Variants in MAPK4 observed in about 807,000 individuals in gnomAD.
The protein encoded by MAPK4 is Erk3-related.
A neutral mutation model predicts 47.7 loss-of-function variants in MAPK4; 22 were observed. The ratio of observed to expected loss-of-function variants is 0.46; its 90% CI spans 0.33 to 0.66. The LOEUF is 0.66. Among genes scored for constraint, MAPK4 ranks in the 30% least tolerant of loss-of-function variants. MAPK4 has a pLI of 0.02. For missense variants in MAPK4, 736 were observed against 831.7 expected (o/e 0.88, Z 1.42); for synonymous variants, 390 against 365.7 (o/e 1.07, Z -0.76).
rs1477127663 is a variant in MAPK4 at position 50,678,360 on chromosome 18, A to G, written c.546+13856A>G. Among the ~76,000 whole-genome samples the G allele has an allele frequency of 6.6e-6, 1 of 152,200 alleles. No individual in the cohort carries two copies. The highest frequency in any genetic ancestry group is 2.4e-5 in the African/African-American group (1 of 41,452). ...AATTTGGCCAAAGCCTGCCTCTAGT[A>G]CTGTGGTTATACACTACAGGTGATA... On this transcript the variant is annotated intron_variant, in intron 2 of 5. Coordinates refer to ENST00000400384, the MANE Select transcript of MAPK4 (RefSeq NM_002747.4). The surrounding 1 kb of genome is among the most constrained non-coding windows in gnomAD (Gnocchi z 4.2).
intron 1 of MAPK4, among the ~76,000 whole-genome samples, chr18:50,606,422 G>A (rs544904958): frequency 6.6e-6 from 1 of 152,246 alleles, no homozygotes; most frequent in Admixed American, 6.5e-5. Flanking sequence ...GATTAGCCTA[G>A]CAATGTTACA....
chr18:50,602,358 C>G (rs576081198), intron 1 of MAPK4, among the ~76,000 whole-genome samples: 2 of 152,208 alleles, frequency 1.3e-5, no homozygotes, highest in African/African-American at 4.8e-5. Context: ...TTTCCCTGAA[C>G]CCATTTGGGC....
At chr18:50,601,631 A>AT (rs941974970) in intron 1 of MAPK4, among the ~76,000 whole-genome samples, 78 of 152,032 alleles carry the variant, frequency 5.1e-4, no homozygotes, top group African/African-American at 1.6e-3. Context: ...TTTGAATAGG[A>AT]TGCACCTCTC....
chr18:50,586,098 T>C (rs2042385585), intron 1 of MAPK4, among the ~76,000 whole-genome samples: 1 of 152,222 alleles, frequency 6.6e-6, no homozygotes, highest in Admixed American at 6.5e-5. Context: ...GGATACCTGC[T>C]CTGTACAGGG....
chr18:50,626,832 G>A (rs2042783146), intron 1 of MAPK4, among the ~76,000 whole-genome samples: 1 of 152,212 alleles, frequency 6.6e-6, no homozygotes, highest in South Asian at 2.1e-4. Context: ...CTGTGCCCTA[G>A]TGACTCTTTG....
intron 1 of MAPK4, among the ~76,000 whole-genome samples, chr18:50,654,510 TGCACTGATTTA>T (rs2144220104): frequency 6.6e-6 from 1 of 152,336 alleles, no homozygotes; most frequent in South Asian, 2.1e-4. Context: ...AAGTCATAAT[TGCACTGATTTA>T]GATTTTGAAA....
At chr18:50,655,002 C>G (rs896395323) in intron 1 of MAPK4, among the ~76,000 whole-genome samples, 75 of 152,330 alleles carry the variant, frequency 4.9e-4, no homozygotes, top group African/African-American at 1.8e-3. Context: ...GATGTTCCTT[C>G]TGCAAACTTC....
At chr18:50,572,918 A>G (rs1257410617) in intron 1 of MAPK4, among the ~76,000 whole-genome samples, 2 of 152,176 alleles carry the variant, frequency 1.3e-5, no homozygotes, top group Non-Finnish European at 2.9e-5. Flanking sequence ...ATTGCCTTAA[A>G]CTTAGATTAT....
chr18:50,719,050 C>T (rs1218660606), intron 3 of MAPK4, among the ~76,000 whole-genome samples: 1 of 145,278 alleles, frequency 6.9e-6, no homozygotes, highest in Admixed American at 7.1e-5. Context: ...TGCCACTGCA[C>T]TCCAGCCTGG....
At chr18:50,622,417 T>C (rs2042740226) in intron 1 of MAPK4, among the ~76,000 whole-genome samples, 2 of 152,200 alleles carry the variant, frequency 1.3e-5, no homozygotes, top group Admixed American at 6.5e-5. Flanking sequence ...TTGCCCCTAG[T>C]TGGAGGCCCT....
At chr18:50,682,892 G>T (rs528349189) in intron 2 of MAPK4, among the ~76,000 whole-genome samples, 1 of 152,326 alleles carries the variant, frequency 6.6e-6, no homozygotes, top group South Asian at 2.1e-4. Flanking sequence ...TCACCACTGG[G>T]CAATAAAAGG....
intron 2 of MAPK4, among the ~76,000 whole-genome samples, chr18:50,701,073 G>A (rs1435384405): frequency 2.6e-5 from 4 of 152,010 alleles, no homozygotes; most frequent in Admixed American, 6.6e-5. Flanking sequence ...ATTTTCCTCC[G>A]CCTATTAGAA....
chr18:50,729,053 C>G (rs1453871319), intron 5 of MAPK4, 105 bp from the exon 6 acceptor site: 2 of 981,540 alleles, frequency 2.0e-6, no homozygotes, highest in Non-Finnish European at 3.0e-6. Flanking sequence ...GGATGGGGGT[C>G]GAAGGCAGGT....
At chr18:50,683,453 G>GTGTGT (rs1555654878) in intron 2 of MAPK4, among the ~76,000 whole-genome samples, 1 of 142,256 alleles carries the variant, frequency 7.0e-6, no homozygotes, top group South Asian at 2.3e-4. Flanking sequence ...TTGGTGATGG[G>GTGTGT]GTGTGTGTGT....
chr18:50,571,654 G>T (rs1458685325), intron 1 of MAPK4, among the ~76,000 whole-genome samples: 1 of 152,104 alleles, frequency 6.6e-6, no homozygotes, highest in Non-Finnish European at 1.5e-5. Context: ...ACCCATCAGG[G>T]CCATTTTCTG....
At chr18:50,661,933 A>G (rs1019860695) in intron 1 of MAPK4, among the ~76,000 whole-genome samples, 1 of 152,264 alleles carries the variant, frequency 6.6e-6, no homozygotes, top group Admixed American at 6.5e-5. Flanking sequence ...CTGTTAAGCA[A>G]TTACTATGTT....
chr18:50,691,226 G>A (rs1909199303), intron 2 of MAPK4, among the ~76,000 whole-genome samples: 1 of 152,044 alleles, frequency 6.6e-6, no homozygotes, highest in African/African-American at 2.4e-5. Context: ...ACTCTTGATT[G>A]CAAGCAATCC....
intron 2 of MAPK4, among the ~76,000 whole-genome samples, chr18:50,711,620 C>G (rs1343300234): frequency 6.6e-6 from 1 of 152,222 alleles, no homozygotes; most frequent in Non-Finnish European, 1.5e-5. Flanking sequence ...CCTTGGCCAC[C>G]CTGTGCATGG....
At chr18:50,604,373 A>G (rs1232658966) in intron 1 of MAPK4, among the ~76,000 whole-genome samples, 1 of 152,220 alleles carries the variant, frequency 6.6e-6, no homozygotes, top group Admixed American at 6.5e-5. Flanking sequence ...TTGTTAAAGC[A>G]ATTTATATAA....
Sources: allele counts gnomAD v4.1 joint callset (sites outside exome capture counted in the v4.1 genomes callset), GRCh38; gene constraint gnomAD v4.1.1; non-coding constraint Gnocchi (gnomAD v3.1); transcripts MANE v1.5; gene names NCBI Gene and HGNC (gene_info 2026-07-23, HGNC 2026-07-21).